SCARB1: variants seen among roughly 807,000 people sequenced by gnomAD.
SCARB1 encodes the protein scavenger receptor class B member 1, also known as CD36 and LIMPII analogous 1.
SCARB1 carries 30 observed loss-of-function variants against 57.2 expected under a neutral mutation model. That is an observed-to-expected ratio of 0.52 (90% CI 0.39 to 0.71). The LOEUF (loss-of-function observed/expected upper bound fraction) is 0.71, where lower values mean the gene tolerates loss of function less well. Ranked by LOEUF, SCARB1 falls within the 30% of genes least tolerant of loss-of-function variation. SCARB1 has a pLI of 0.00. For synonymous variants in SCARB1, 249 were observed against 268.3 expected (o/e 0.93, Z 0.70); for missense variants, 543 against 671.2 (o/e 0.81, Z 2.11).
rs185934530 is a variant in SCARB1, at chr12:124,798,557, T to G, written c.1128+1567A>C. ...GTATGTGGAATCTAAAAGAGTTGAA[T>G]TCAGGCCAGGCGTAGTGGCTCACGC... On this transcript the variant is annotated intron_variant, in intron 8 of 12. Coordinates refer to ENST00000261693, the MANE Select transcript of SCARB1 (RefSeq NM_005505.5). Among the ~76,000 whole-genome samples, 41 of 151,628 alleles carry G rather than the reference T, an allele frequency of 2.7e-4. No individual in the cohort carries two copies. In the East Asian group the frequency reaches 6.3e-3, roughly 23 times the overall value.
intron 1 of SCARB1, among the ~76,000 whole-genome samples, chr12:124,826,974 G>A (rs1951184999): frequency 6.6e-6 from 1 of 152,128 alleles, no homozygotes; most frequent in African/African-American, 2.4e-5. Context: ...TGGGGATGTG[G>A]GGAAAGCTTT....
chr12:124,801,835 G>A (rs1005904027), intron 7 of SCARB1, among the ~76,000 whole-genome samples: 1 of 150,770 alleles, frequency 6.6e-6, no homozygotes, highest in African/African-American at 2.4e-5. Flanking sequence ...AAAAGAGCAA[G>A]ACTGTGTCTC....
At chr12:124,824,920 C>T (rs1055274192) in intron 1 of SCARB1, among the ~76,000 whole-genome samples, 3 of 152,178 alleles carry the variant, frequency 2.0e-5, no homozygotes, top group Non-Finnish European at 4.4e-5. Context: ...CTATTCCATT[C>T]TGTTTTTAAA....
rs1241951694 is a variant in SCARB1 at position 124,796,161 on chromosome 12, C to T, written c.1129-893G>A. Among the ~76,000 whole-genome samples the T allele has an allele frequency of 6.6e-6, 1 of 152,206 alleles. No homozygotes were observed. The highest frequency in any genetic ancestry group is 1.5e-5 in the Non-Finnish European group (1 of 68,030). On this transcript the variant is annotated intron_variant, in intron 8 of 12. Transcript: ENST00000261693. The surrounding 1 kb of genome is among the most constrained non-coding windows in gnomAD (Gnocchi z 4.0). ...TAAAGACAGGGTTTCACCATGTTGACCAGGCTGGTCTCAAACTCCTGGCAG... is the reference window on the plus strand; with the variant it reads ...TAAAGACAGGGTTTCACCATGTTGATCAGGCTGGTCTCAAACTCCTGGCAG...
intron 9 of SCARB1, 84 bp downstream of exon 9, chr12:124,795,111 G>T: frequency 1.7e-6 from 2 of 1,147,812 alleles, no homozygotes; most frequent in Non-Finnish European, 2.6e-6. Flanking sequence ...CCTGGGGTAT[G>T]TCACTGGAGT....
rs1950754452 is a variant in SCARB1 at position 124,817,087 on chromosome 12, T to C, written c.284+463A>G. ...ATGTGTAGGTACATGTGTGTGTATG[T>C]ATGTGTGTGTGTATGTGTATGTACG... On this transcript the variant is annotated intron_variant, in intron 2 of 12. Coordinates refer to ENST00000261693, the MANE Select transcript of SCARB1 (RefSeq NM_005505.5). This position sits in a 1 kb window ranked among gnomAD's most constrained non-coding sequence, Gnocchi z 4.8. Among the ~76,000 whole-genome samples, 1 of 149,888 alleles carries C rather than the reference T, an allele frequency of 6.7e-6. No homozygotes were observed. The highest frequency in any genetic ancestry group is 1.5e-5 in the Non-Finnish European group (1 of 67,738).
chr12:124,784,559 G>C (rs1949442716), intron 11 of SCARB1: 1 of 152,318 alleles, frequency 6.6e-6, no homozygotes, highest in Non-Finnish European at 1.5e-5. Flanking sequence ...TGCAAGCATG[G>C]AAGCAGGCAA....
At chr12:124,782,291 G>T (rs1241609176) in intron 12 of SCARB1, among the ~76,000 whole-genome samples, 1 of 152,150 alleles carries the variant, frequency 6.6e-6, no homozygotes. Flanking sequence ...ACAGATTCCA[G>T]GGTCCCACCA....
intron 2 of SCARB1, among the ~76,000 whole-genome samples, 194 bp from the exon 3 acceptor site, chr12:124,815,308 G>A (rs1410019051): frequency 6.6e-6 from 1 of 152,146 alleles, no homozygotes; most frequent in Non-Finnish European, 1.5e-5. Flanking sequence ...AGGACATGGT[G>A]TCGCCGCCCA....
chr12:124,780,435 G>C (rs1873225113), intron 12 of SCARB1, among the ~76,000 whole-genome samples: 1 of 152,238 alleles, frequency 6.6e-6, no homozygotes, highest in Non-Finnish European at 1.5e-5. Flanking sequence ...CCCAGGTACA[G>C]GGCAAAGGTG....
At chr12:124,831,421 G>A (rs1041597086) in intron 1 of SCARB1, among the ~76,000 whole-genome samples, 13 of 152,120 alleles carry the variant, frequency 8.5e-5, no homozygotes, top group Non-Finnish European at 1.6e-4. Flanking sequence ...CTGGCCTAAA[G>A]CAAAAAATTA....
chr12:124,799,589 A>C (rs1176027978), intron 8 of SCARB1, among the ~76,000 whole-genome samples: 4 of 152,162 alleles, frequency 2.6e-5, no homozygotes, highest in African/African-American at 9.7e-5. Flanking sequence ...CCCAGGAAAC[A>C]GAAAACCACA....
At chr12:124,828,493 C>T (rs1426285554) in intron 1 of SCARB1, among the ~76,000 whole-genome samples, 2 of 152,194 alleles carry the variant, frequency 1.3e-5, no homozygotes, top group African/African-American at 4.8e-5. Flanking sequence ...GACGCCCCTG[C>T]CCTCAGACAC....
At chr12:124,843,893 C>T (rs1952020137) in intron 1 of SCARB1, among the ~76,000 whole-genome samples, 1 of 152,180 alleles carries the variant, frequency 6.6e-6, no homozygotes, top group Non-Finnish European at 1.5e-5. Context: ...CACCACGTAC[C>T]CTCACTGAGA....
At chr12:124,786,572 C>A in intron 10 of SCARB1, 69 bp from the exon 11 acceptor site, 1 of 1,592,236 alleles carries the variant, frequency 6.3e-7, no homozygotes, top group South Asian at 1.1e-5. Context: ...AGATGCCACC[C>A]AACACCTTCC....
chr12:124,782,664 G>T lies in SCARB1; in HGVS notation c.*19C>A. 1 of 1,612,440 alleles carries T rather than the reference G, an allele frequency of 6.2e-7. No individual in the cohort carries two copies. Among genetic ancestry groups the T allele is most frequent in the Non-Finnish European group, 8.5e-7 (1 of 1,179,002 alleles). Reference sequence around the variant, plus strand: ...TATGGGAGGGGGCGGGGAGGCGCACGGCATTACCTGGTACCCACCTACAGT... The same window carrying T: ...TATGGGAGGGGGCGGGGAGGCGCACTGCATTACCTGGTACCCACCTACAGT... On this transcript the variant is annotated intron_variant, in intron 12 of 12. Transcript: ENST00000261693.
At chr12:124,862,671 C>T (rs944776088) in intron 1 of SCARB1, among the ~76,000 whole-genome samples, 1 of 129,898 alleles carries the variant, frequency 7.7e-6, no homozygotes, top group Non-Finnish European at 1.6e-5. Flanking sequence ...GTTTCCCCTC[C>T]CCGCCACTGC....
intron 1 of SCARB1, among the ~76,000 whole-genome samples, chr12:124,848,107 G>C (rs1193617318): frequency 6.6e-6 from 1 of 152,132 alleles, no homozygotes. Context: ...TTTCTGAGAC[G>C]GAGACTCACT....
intron 1 of SCARB1, among the ~76,000 whole-genome samples, chr12:124,843,673 C>A (rs934375091): frequency 6.6e-6 from 1 of 152,004 alleles, no homozygotes; most frequent in African/African-American, 2.4e-5. Context: ...AGTTAAGGAT[C>A]CCAAGATGAG....
Sources: allele counts gnomAD v4.1 joint callset (sites outside exome capture counted in the v4.1 genomes callset), GRCh38; gene constraint gnomAD v4.1.1; non-coding constraint Gnocchi (gnomAD v3.1); transcripts MANE v1.5; gene names NCBI Gene and HGNC (gene_info 2026-07-23, HGNC 2026-07-21).